Variants in CLMN observed in about 807,000 individuals in gnomAD.
The protein encoded by CLMN is calmin (calponin-like, transmembrane).
CLMN carries 57 observed loss-of-function variants against 92.7 expected under a neutral mutation model. The ratio of observed to expected loss-of-function variants is 0.61; its 90% CI spans 0.50 to 0.77. The LOEUF is 0.77. Ranked by LOEUF, CLMN falls within the 30% of genes least tolerant of loss-of-function variation. The pLI is 0.00. For synonymous variants in CLMN, 466 were observed against 470.6 expected, an observed-to-expected ratio of 0.99 and a Z score of 0.13; for missense variants, 1,158 against 1,237.5, an observed-to-expected ratio of 0.94 and a Z score of 0.96.
At chr14:95,244,922 T>C (rs1898402453) in intron 1 of CLMN, among the ~76,000 whole-genome samples, 2 of 151,056 alleles carry the variant, frequency 1.3e-5, no homozygotes, top group Admixed American at 6.6e-5. Context: ...CTTTTTCACT[T>C]TGCTGTCAGG....
In CLMN at chr14:95,202,979, G is replaced by A. The variant is rs1227886874; in HGVS notation, c.2370C>T (p.Leu790=). ...SSSSSVPGES[L]PSASDQVLYL... is the part of the protein sequence containing the mutation. ...ACAGCACCTGGTCGCTGGCACTGGGGAGGCTCTCTCCTGGCACCGAGGAAC... is the reference window on the plus strand; with the variant it reads ...ACAGCACCTGGTCGCTGGCACTGGGAAGGCTCTCTCCTGGCACCGAGGAAC... Residue 790 remains leucine (L), a synonymous_variant, in exon 9 of 13, where the codon CTC becomes CTT. Coordinates refer to ENST00000298912, the MANE Select transcript of CLMN (RefSeq NM_024734.4). 6 of 1,614,146 alleles carry A rather than the reference G, an allele frequency of 3.7e-6. No individual in the cohort carries two copies. The highest frequency in any genetic ancestry group is 1.3e-5 in the African/African-American group (1 of 75,040).
chr14:95,317,004 C>T (rs1476599922), intron 1 of CLMN, among the ~76,000 whole-genome samples: 1 of 152,248 alleles, frequency 6.6e-6, no homozygotes, highest in Non-Finnish European at 1.5e-5. Context: ...AGGCACACAG[C>T]TTCAATGGCA....
chr14:95,232,510 T>A (rs1288930839), intron 1 of CLMN, among the ~76,000 whole-genome samples: 1 of 152,232 alleles, frequency 6.6e-6, no homozygotes, highest in Non-Finnish European at 1.5e-5. Flanking sequence ...TATTTTTAAC[T>A]GAAGAACCAG....
chr14:95,230,060 G>A lies in CLMN; in HGVS notation c.144+12C>T, dbSNP rs376964360. 22 of 1,613,622 alleles carry A rather than the reference G, an allele frequency of 1.4e-5. No individual in the cohort carries two copies. Among genetic ancestry groups the A allele is most frequent in the South Asian group, 2.2e-5 (2 of 91,070 alleles). ...AATCTATCACTTAGCAAACACCCAA[G>A]TGCGCCATTACCTTTTCTAGATGTA... On this transcript the variant is annotated intron_variant, in intron 2 of 12. Coordinates refer to ENST00000298912, the MANE Select transcript of CLMN (RefSeq NM_024734.4).
rs541118004 is a variant in CLMN at position 95,204,255 on chromosome 14, T to C, written c.1094A>G (p.Asp365Gly). The change falls in exon 9 of 13, where the codon GAT becomes GGT. Residue 365 changes from aspartate to glycine, a missense_variant. Transcript: ENST00000298912. ...TGACAGCGCATGGCTGGAAACACCATCCAGGCGGAATTCCTTCATGCTCTC... is the reference window on the plus strand; with the variant it reads ...TGACAGCGCATGGCTGGAAACACCACCCAGGCGGAATTCCTTCATGCTCTC... ...KPESMKEFRL[D>G]GVSSHALSDS... 1.6e-5 allele frequency: 26 copies of C among 1,613,890 alleles called. 1 individual carries two copies. The highest frequency in any genetic ancestry group is 1.9e-5 in the Non-Finnish European group (23 of 1,180,012).
chr14:95,250,510 G>A (rs1898739380), intron 1 of CLMN, among the ~76,000 whole-genome samples: 2 of 152,200 alleles, frequency 1.3e-5, no homozygotes, highest in Admixed American at 1.3e-4. Flanking sequence ...AAGATAAGAT[G>A]GCTCGGCAGA....
At position 95,194,048 on chromosome 14, in the gene CLMN, G is replaced by A. The variant is rs1400980984; in HGVS notation, c.2770-129C>T. The A allele has an allele frequency of 3.8e-5, 56 of 1,482,556 alleles. No individual in the cohort carries two copies. The highest frequency in any genetic ancestry group is 9.7e-5 in the South Asian group (7 of 72,106). 91.8% of individuals were successfully genotyped at this position (1,482,556 alleles called of 1,614,324 possible). On this transcript the variant is annotated intron_variant, in intron 11 of 12. Coordinates refer to ENST00000298912, the MANE Select transcript of CLMN (RefSeq NM_024734.4). The surrounding 1 kb of genome is among the most constrained non-coding windows in gnomAD (Gnocchi z 4.0). Reference sequence around the variant, plus strand: ...CCGGGCATTTCTCAATACCGCCAGCGTCTAGATCCAAAATCAAAGTGCTAA... The same window carrying A: ...CCGGGCATTTCTCAATACCGCCAGCATCTAGATCCAAAATCAAAGTGCTAA...
chr14:95,297,605 T>C (rs1457938815), intron 1 of CLMN, among the ~76,000 whole-genome samples: 1 of 152,238 alleles, frequency 6.6e-6, no homozygotes, highest in Non-Finnish European at 1.5e-5. Flanking sequence ...CATGGAATCA[T>C]GCAGTCTGTA....
At chr14:95,241,198 A>T (rs1461080081) in intron 1 of CLMN, among the ~76,000 whole-genome samples, 2 of 152,080 alleles carry the variant, frequency 1.3e-5, no homozygotes, top group African/African-American at 2.4e-5. Flanking sequence ...TTTTAAGTGC[A>T]TGGAAAGGCC....
chr14:95,225,914 C>T (rs1473199044), intron 2 of CLMN, among the ~76,000 whole-genome samples: 5 of 152,160 alleles, frequency 3.3e-5, no homozygotes, highest in African/African-American at 4.8e-5. Flanking sequence ...CTTGGCTGGA[C>T]GTGGCCGGGA....
At chr14:95,280,094 TG>T (rs1482545525) in intron 1 of CLMN, among the ~76,000 whole-genome samples, 1 of 152,228 alleles carries the variant, frequency 6.6e-6, no homozygotes, top group African/African-American at 2.4e-5. Context: ...AGAAATTGTG[TG>T]TGAACATATT....
intron 2 of CLMN, among the ~76,000 whole-genome samples, chr14:95,228,847 G>A (rs956641548): frequency 1.3e-5 from 2 of 152,144 alleles, no homozygotes; most frequent in Non-Finnish European, 2.9e-5. Context: ...GCTAATTTTT[G>A]TATTTTTAGT....
At chr14:95,314,301 T>C (rs1006587965) in intron 1 of CLMN, among the ~76,000 whole-genome samples, 1 of 152,138 alleles carries the variant, frequency 6.6e-6, no homozygotes, top group Non-Finnish European at 1.5e-5. Flanking sequence ...GCAAAGCTTA[T>C]GAAATGCAAC....
chr14:95,238,678 A>G (rs1448095317), intron 1 of CLMN, among the ~76,000 whole-genome samples: 1 of 152,190 alleles, frequency 6.6e-6, no homozygotes. Flanking sequence ...AGGGAGGCAC[A>G]GACGGGCATC....
chr14:95,247,827 G>A (rs539107875), intron 1 of CLMN, among the ~76,000 whole-genome samples: 14 of 152,198 alleles, frequency 9.2e-5, no homozygotes, highest in Admixed American at 5.9e-4. Flanking sequence ...TAGCTGCTAC[G>A]TGGACTGGAG....
intron 1 of CLMN, among the ~76,000 whole-genome samples, chr14:95,317,974 A>C (rs1179860544): frequency 6.6e-6 from 1 of 151,974 alleles, no homozygotes; most frequent in African/African-American, 2.4e-5. Flanking sequence ...TACTCAGTGA[A>C]CTCCTACCCA....
At chr14:95,316,293 T>G (rs1368707429) in intron 1 of CLMN, among the ~76,000 whole-genome samples, 1 of 152,250 alleles carries the variant, frequency 6.6e-6, no homozygotes, top group Non-Finnish European at 1.5e-5. Context: ...GTCAACAGCT[T>G]GGACCACCCC....
intron 1 of CLMN, among the ~76,000 whole-genome samples, chr14:95,300,891 G>T (rs147745422): frequency 2.0e-5 from 3 of 152,146 alleles, no homozygotes; most frequent in Admixed American, 6.5e-5. Flanking sequence ...CCGAGCAGAC[G>T]CTCAATAAAT....
intron 1 of CLMN, among the ~76,000 whole-genome samples, chr14:95,255,433 CATT>C (rs916101867): frequency 5.9e-5 from 9 of 152,132 alleles, no homozygotes; most frequent in Admixed American, 1.3e-4. Flanking sequence ...TTTTATTAGT[CATT>C]GTTGTTAATC....
Sources: allele counts gnomAD v4.1 joint callset (sites outside exome capture counted in the v4.1 genomes callset), GRCh38; gene constraint gnomAD v4.1.1; non-coding constraint Gnocchi (gnomAD v3.1); transcripts MANE v1.5; gene names NCBI Gene and HGNC (gene_info 2026-07-23, HGNC 2026-07-21).